The following MAP3K3 variants were observed in gnomAD, a reference collection of about 807,000 sequenced individuals.
MAP3K3 encodes MAP/ERK kinase kinase 3.
Under a neutral mutation model 80.9 loss-of-function variants are expected in MAP3K3, and 12 were observed. The ratio of observed to expected loss-of-function variants is 0.15; its 90% CI spans 0.10 to 0.24. The LOEUF (loss-of-function observed/expected upper bound fraction) is 0.24. MAP3K3 is among the 10% of genes least tolerant of loss of function. The pLI is 1.00. For missense variants in MAP3K3, 596 were observed against 834.7 expected, an observed-to-expected ratio of 0.71 and a Z score of 3.52; for synonymous variants, 272 against 307.1, an observed-to-expected ratio of 0.89 and a Z score of 1.19.
In MAP3K3 at chr17:63,637,006, G is replaced by C. The variant is rs140962667; in HGVS notation, c.126+4204G>C. Reference sequence around the variant, plus strand: ...ACGGTATCCGGAAGCTGCAGATTCAGTGTGTGGTGGGGGACGACAAGGTGG... The same window carrying C: ...ACGGTATCCGGAAGCTGCAGATTCACTGTGTGGTGGGGGACGACAAGGTGG... On this transcript the variant is annotated intron_variant, in intron 2 of 15. Transcript: ENST00000361733. 65 of 615,666 alleles carry C rather than the reference G, an allele frequency of 1.1e-4. No individual in the cohort carries two copies. In the East Asian group the frequency reaches 2.6e-3, roughly 25 times the overall value. The allele number at this position is 615,666 out of a possible 1,614,324, so 38.1% of individuals were successfully genotyped here. A position where few individuals can be genotyped will look rare whatever the true frequency, so the allele number is the denominator to read the frequency against.
At chr17:63,679,610 G>A (rs1232007707) in intron 6 of MAP3K3, among the ~76,000 whole-genome samples, 1 of 152,140 alleles carries the variant, frequency 6.6e-6, no homozygotes, top group Non-Finnish European at 1.5e-5. Flanking sequence ...AGTCTTCCAA[G>A]TAGCTGGGTC....
At chr17:63,625,119 G>A (rs1016642644) in intron 1 of MAP3K3, among the ~76,000 whole-genome samples, 2 of 152,166 alleles carry the variant, frequency 1.3e-5, no homozygotes, top group Non-Finnish European at 2.9e-5. Flanking sequence ...TCTCTGCCCT[G>A]CAGGTTCTTT....
chr17:63,638,460 A>G (rs2034376078), intron 2 of MAP3K3, among the ~76,000 whole-genome samples: 1 of 152,176 alleles, frequency 6.6e-6, no homozygotes, highest in South Asian at 2.1e-4. Context: ...TTTTTGGGCT[A>G]CATGTTCAGC....
intron 1 of MAP3K3, among the ~76,000 whole-genome samples, chr17:63,629,943 C>T (rs2034182068): frequency 6.6e-6 from 1 of 152,170 alleles, no homozygotes; most frequent in Admixed American, 6.5e-5. Context: ...TTCAGTCATA[C>T]TTGTGGATCT....
At chr17:63,662,034 C>T (rs529191725) in intron 5 of MAP3K3, among the ~76,000 whole-genome samples, 2 of 151,898 alleles carry the variant, frequency 1.3e-5, no homozygotes, top group African/African-American at 2.4e-5. Context: ...ACCCAGGAGG[C>T]GGAGCTTGCA....
chr17:63,631,040 A>G (rs2143164201), intron 1 of MAP3K3, among the ~76,000 whole-genome samples: 1 of 152,262 alleles, frequency 6.6e-6, no homozygotes, highest in African/African-American at 2.4e-5. Context: ...TAATCCCAGC[A>G]TTTTGGGAGG....
At chr17:63,667,815 G>T (rs571155830) in intron 6 of MAP3K3, among the ~76,000 whole-genome samples, 1 of 151,866 alleles carries the variant, frequency 6.6e-6, no homozygotes, top group East Asian at 1.9e-4. Flanking sequence ...TCAATCTGTG[G>T]TTGGTTGAAT....
chr17:63,673,170 T>C (rs1456201431), intron 6 of MAP3K3, among the ~76,000 whole-genome samples: 6 of 152,212 alleles, frequency 3.9e-5, no homozygotes, highest in Non-Finnish European at 8.8e-5. Context: ...AATTCTTCTT[T>C]ATTTTGGATT....
At chr17:63,640,028 C>T (rs180987366) in intron 2 of MAP3K3, among the ~76,000 whole-genome samples, 1 of 152,194 alleles carries the variant, frequency 6.6e-6, no homozygotes, top group Non-Finnish European at 1.5e-5. Context: ...GAAATTTGCT[C>T]CCTGGCTGTG....
Position 63,691,623 on chromosome 17 carries a change from A to G in MAP3K3, c.1345-110A>G. The G allele has an allele frequency of 6.8e-7, 1 of 1,461,032 alleles. No homozygotes were observed. The highest frequency in any genetic ancestry group is 9.3e-7 in the Non-Finnish European group (1 of 1,079,396). 90.5% of individuals were successfully genotyped at this position (1,461,032 alleles called of 1,614,324 possible). A position where few individuals can be genotyped will look rare whatever the true frequency, so the allele number is the denominator to read the frequency against. On this transcript the variant is annotated intron_variant, in intron 13 of 15. Transcript: ENST00000361733. The surrounding 1 kb of genome is among the most constrained non-coding windows in gnomAD (Gnocchi z 4.8). ...CTGGCAAAATGCCCTGCCCAGCCAG[A>G]TAGGAATTGAACAAATCACTCCTTT...
At chr17:63,656,439 C>G (rs2034770208) in intron 4 of MAP3K3, among the ~76,000 whole-genome samples, 1 of 145,698 alleles carries the variant, frequency 6.9e-6, no homozygotes, top group Non-Finnish European at 1.5e-5. Flanking sequence ...CCAGTCTCTA[C>G]TAAAAAAAAA....
chr17:63,674,314 C>T lies in MAP3K3; in HGVS notation c.502+7254C>T, dbSNP rs191125267. ...TTGCAGTGGTGCGTACCTGTAATCC[C>T]AGCACTTTGGGAGGCCAAGGTGGGT... On this transcript the variant is annotated intron_variant, in intron 6 of 15. Coordinates refer to ENST00000361733, the MANE Select transcript of MAP3K3 (RefSeq NM_002401.5). 2.2e-4 allele frequency among the ~76,000 whole-genome samples: 33 copies of T among 152,088 alleles called. No individual in the cohort carries two copies. In the East Asian group the frequency reaches 4.1e-3, roughly 19 times the overall value.
chr17:63,640,251 A>G (rs1241264984), intron 2 of MAP3K3, among the ~76,000 whole-genome samples: 2 of 152,192 alleles, frequency 1.3e-5, no homozygotes, highest in Non-Finnish European at 2.9e-5. Context: ...GTGAATAGCT[A>G]CTGCACTCCA....
chr17:63,672,024 T>C (rs1429277787), intron 6 of MAP3K3, among the ~76,000 whole-genome samples: 1 of 151,870 alleles, frequency 6.6e-6, no homozygotes, highest in Non-Finnish European at 1.5e-5. Context: ...GGCTCACATC[T>C]GTAATCCCAT....
chr17:63,660,565 ATTCTTCTTC>A (rs113456141), intron 5 of MAP3K3, among the ~76,000 whole-genome samples: 3 of 144,204 alleles, frequency 2.1e-5, no homozygotes, highest in African/African-American at 5.2e-5. Flanking sequence ...TTCTCTTTGG[ATTCTTCTTC>A]TTCTTCTTCT....
intron 1 of MAP3K3, among the ~76,000 whole-genome samples, chr17:63,629,506 C>T (rs183577092): frequency 6.6e-6 from 1 of 152,198 alleles, no homozygotes; most frequent in Non-Finnish European, 1.5e-5. Context: ...AGTCTCAGTC[C>T]ATACCACAGA....
chr17:63,655,955 C>T (rs930922506), intron 4 of MAP3K3, among the ~76,000 whole-genome samples: 1 of 152,028 alleles, frequency 6.6e-6, no homozygotes, highest in Non-Finnish European at 1.5e-5. Flanking sequence ...TTTGGCGAGG[C>T]GCGATGGTTC....
At chr17:63,632,886 A>G in intron 2 of MAP3K3, 84 bp downstream of exon 2, 6 of 1,562,316 alleles carry the variant, frequency 3.8e-6, no homozygotes, top group Non-Finnish European at 4.4e-6. Flanking sequence ...CAAGGAGACT[A>G]CATTACCAGG....
rs2034014532 is a variant in MAP3K3, at chr17:63,622,781, C to T, written c.4+18C>T. ...CACCATGGGTAAGTGTCGCCACCGC[C>T]CCGGCCTGTGCCCGCGCTGCTTCGC... On this transcript the variant is annotated intron_variant, in intron 1 of 15. Coordinates refer to ENST00000361733, the MANE Select transcript of MAP3K3 (RefSeq NM_002401.5). 1.9e-6 allele frequency: 1 copy of T among 515,932 alleles called. No homozygotes were observed. Among genetic ancestry groups the T allele is most frequent in the Non-Finnish European group, 3.7e-6 (1 of 267,300 alleles). 32.0% of individuals were successfully genotyped at this position (515,932 alleles called of 1,614,324 possible).
Sources: gnomAD v4.1 joint callset for allele counts (sites outside exome capture counted in the v4.1 genomes callset) on GRCh38, gnomAD v4.1.1 for gene constraint, Gnocchi (gnomAD v3.1) non-coding constraint, MANE v1.5 for transcripts, NCBI Gene and HGNC (gene_info 2026-07-23, HGNC 2026-07-21) for gene names.